The following DNAH10 variants were observed in gnomAD, a reference collection of about 807,000 sequenced individuals.
DNAH10 encodes dynein axonemal heavy chain 10.
DNAH10 carries 348 observed loss-of-function variants against 506.6 expected under a neutral mutation model. The observed-to-expected ratio is 0.69, with a 90% CI of 0.63 to 0.75. The LOEUF (loss-of-function observed/expected upper bound fraction) is 0.75, where lower values mean the gene tolerates loss of function less well. Ranked by LOEUF, DNAH10 falls within the 30% of genes least tolerant of loss-of-function variation. The probability of loss-of-function intolerance (pLI) is 0.00; values close to 1 mark genes in which losing one functional copy is unlikely to be tolerated. For synonymous variants in DNAH10, 2,059 were observed against 2,198.6 expected, an observed-to-expected ratio of 0.94 and a Z score of 1.78; for missense variants, 5,179 against 5,787.1, an observed-to-expected ratio of 0.89 and a Z score of 3.41.
chr12:123,904,991 A>T (rs1028620699), intron 57 of DNAH10, among the ~76,000 whole-genome samples: 10 of 152,198 alleles, frequency 6.6e-5, no homozygotes, highest in Admixed American at 5.2e-4. Flanking sequence ...TTCATGCATG[A>T]CCAAGGCAAC....
Position 123,907,989 on chromosome 12 carries a change from G to A in DNAH10, c.9816-1272G>A, listed in dbSNP as rs1158104990. Among the ~76,000 whole-genome samples, 1 of 152,126 alleles carries A rather than the reference G, an allele frequency of 6.6e-6. No homozygotes were observed. Among genetic ancestry groups the A allele is most frequent in the Non-Finnish European group, 1.5e-5 (1 of 68,024 alleles). ...TCTCCTCTGCTGTCTGTGTGGGAGTGTGTGAGGGTTCCGGGGTCAGGAGGG... is the reference window on the plus strand; with the variant it reads ...TCTCCTCTGCTGTCTGTGTGGGAGTATGTGAGGGTTCCGGGGTCAGGAGGG... On this transcript the variant is annotated intron_variant, in intron 57 of 78. Coordinates refer to ENST00000673944, the MANE Select transcript of DNAH10 (RefSeq NM_001372106.1). The surrounding 1 kb of genome is among the most constrained non-coding windows in gnomAD (Gnocchi z 4.4).
chr12:123,801,541 A>G, intron 16 of DNAH10, 109 bp downstream of exon 16: 1 of 1,355,640 alleles, frequency 7.4e-7, no homozygotes, highest in South Asian at 1.4e-5. Flanking sequence ...GACAATTAAC[A>G]ATTTTTGAGG....
chr12:123,870,935 ATAAAATATAGGCTGGCTATTCAGG>A (rs1176304143), intron 44 of DNAH10, among the ~76,000 whole-genome samples: 1 of 152,224 alleles, frequency 6.6e-6, no homozygotes, highest in Non-Finnish European at 1.5e-5. Context: ...GGCTGTTCAG[ATAAAATATAGGCTGGCTATTCAGG>A]TAAAATATGG....
Position 123,883,252 on chromosome 12 carries a change from A to G in DNAH10, c.8823+1439A>G, listed in dbSNP as rs567065613. ...CCTACAAGTGGAATTGCGGGATCCTATGATAACTCTATGTTTAATTGTTTG... is the reference window on the plus strand; with the variant it reads ...CCTACAAGTGGAATTGCGGGATCCTGTGATAACTCTATGTTTAATTGTTTG... On this transcript the variant is annotated intron_variant, in intron 51 of 78. Transcript: ENST00000673944. 4.6e-5 allele frequency among the ~76,000 whole-genome samples: 7 copies of G among 152,306 alleles called. No homozygotes were observed. The East Asian group carries it at 7.7e-4, about 17-fold the overall frequency.
intron 52 of DNAH10, among the ~76,000 whole-genome samples, chr12:123,890,738 A>C (rs1438605192): frequency 2.0e-5 from 3 of 152,166 alleles, no homozygotes; most frequent in African/African-American, 4.8e-5. Context: ...CTGGGGACAG[A>C]GAGAAGTGGG....
intron 16 of DNAH10, among the ~76,000 whole-genome samples, 183 bp downstream of exon 16, chr12:123,801,615 G>A (rs1391061500): frequency 6.6e-6 from 1 of 152,198 alleles, no homozygotes; most frequent in Non-Finnish European, 1.5e-5. Context: ...ATGAAGATAA[G>A]AGGGGTGATA....
rs766872085 is a variant in DNAH10, at chr12:123,935,380, G to A, written c.13669G>A (p.Ala4557Thr). 33 of 1,611,698 alleles carry A rather than the reference G, an allele frequency of 2.0e-5. No homozygotes were observed. The highest frequency in any genetic ancestry group is 2.3e-5 in the Non-Finnish European group (27 of 1,177,906). The change falls in exon 79 of 79, where the codon GCC becomes ACC. Residue 4557 changes from alanine to threonine, a missense_variant. Around this residue, in one of 3 missense-constraint regions of DNAH10, gnomAD observed 4,844 missense variants for 5,430.5 expected, o/e 0.89. Coordinates refer to ENST00000673944, the MANE Select transcript of DNAH10 (RefSeq NM_001372106.1). ...PVYTTSMRRN[A>T]MGVGLVFEAD... ...CTACACCACCTCCATGAGAAGGAAC[G>A]CCATGGGAGTCGGCTTGGTTTTTGA...
chr12:123,921,180 A>C (rs1954704868), intron 65 of DNAH10, among the ~76,000 whole-genome samples: 1 of 152,218 alleles, frequency 6.6e-6, no homozygotes, highest in Non-Finnish European at 1.5e-5. Context: ...AGGAACTCTC[A>C]AATGCCAATA....
intron 78 of DNAH10, 53 bp downstream of exon 78, chr12:123,934,819 G>C: frequency 6.2e-7 from 1 of 1,606,326 alleles, no homozygotes; most frequent in South Asian, 1.1e-5. Flanking sequence ...TCTTCTGACT[G>C]TAGTTATGGC....
chr12:123,765,143 G>T (rs958801090), intron 1 of DNAH10, among the ~76,000 whole-genome samples: 3 of 151,826 alleles, frequency 2.0e-5, no homozygotes, highest in South Asian at 2.1e-4. Flanking sequence ...AAAATGATAG[G>T]AATGGAGACA....
chr12:123,910,078 C>G (rs1055490081), intron 58 of DNAH10, among the ~76,000 whole-genome samples: 2 of 152,140 alleles, frequency 1.3e-5, no homozygotes, highest in Non-Finnish European at 2.9e-5. Flanking sequence ...TTTTCTTAGC[C>G]CCTTAAAAAC....
rs1309433584 is a variant in DNAH10 at position 123,934,607 on chromosome 12, C to T, written c.13478-14C>T. 2 of 1,612,670 alleles carry T rather than the reference C, an allele frequency of 1.2e-6. No homozygotes were observed. Among genetic ancestry groups the T allele is most frequent in the African/African-American group, 2.7e-5 (2 of 74,928 alleles). ...ATGCTCCAGTTGTATCCAGTCTCTGCCTTGTGTCCCTAGGATGCTTTGTCT... is the reference window on the plus strand; with the variant it reads ...ATGCTCCAGTTGTATCCAGTCTCTGTCTTGTGTCCCTAGGATGCTTTGTCT... On this transcript the variant is annotated splice_polypyrimidine_tract_variant and intron_variant, in intron 77 of 78. Coordinates refer to ENST00000673944, the MANE Select transcript of DNAH10 (RefSeq NM_001372106.1).
In DNAH10 at chr12:123,845,724, T is replaced by C; in HGVS notation, c.5485T>C (p.Tyr1829His). 1.9e-6 allele frequency: 3 copies of C among 1,613,742 alleles called. No homozygotes were observed. Among genetic ancestry groups the C allele is most frequent in the Non-Finnish European group, 2.5e-6 (3 of 1,179,864 alleles). ...QKGEKQAMKN[Y>H]GRKMHRQIDE... is the part of the protein sequence containing the mutation. ...AGGGGAGAAGCAGGCCATGAAGAAC[T>C]ATGGCAGGAAAATGCACCGGCAGAT... The change falls in exon 31 of 79, where the codon TAT (tyrosine) becomes CAT (histidine). Residue 1829 changes from tyrosine (Y) to histidine (H), a missense_variant. Physicochemically the swap from Tyr to His is moderately conservative, Grantham distance 83. Around this residue, in one of 3 missense-constraint regions of DNAH10, gnomAD observed 4,844 missense variants for 5,430.5 expected, o/e 0.89. Coordinates refer to ENST00000673944, the MANE Select transcript of DNAH10 (RefSeq NM_001372106.1).
chr12:123,783,201 T>G lies in DNAH10; in HGVS notation c.936T>G (p.Cys312Trp). The part of the protein sequence containing the change: ...DPETVDILEQ[C>W]VINWLNQIST... ...AAACCGTTGACATCTTGGAGCAGTG[T>G]GTGATAAACTGGCTGAATCAGATAT... The change falls in exon 7 of 79, where the codon TGT (cysteine) becomes TGG (tryptophan). Residue 312 changes from cysteine (C) to tryptophan (W), a missense_variant. This residue lies in a region of DNAH10 where 4,844 missense variants were observed against 5,430.5 expected (regional missense o/e 0.89). Transcript: ENST00000673944. 1 of 1,614,204 alleles carries G rather than the reference T, an allele frequency of 6.2e-7. No individual in the cohort carries two copies. Among genetic ancestry groups the G allele is most frequent in the Non-Finnish European group, 8.5e-7 (1 of 1,180,032 alleles).
rs529268286 is a variant in DNAH10, at chr12:123,934,720, C to T, written c.13577C>T (p.Pro4526Leu). 2.5e-6 allele frequency: 4 copies of T among 1,613,922 alleles called. No homozygotes were observed. Among genetic ancestry groups the T allele is most frequent in the South Asian group, 2.2e-5 (2 of 91,052 alleles). ...SKPKVLVVDLPILKIIPIEAH... is the reference protein window; with the variant it reads ...SKPKVLVVDLLILKIIPIEAH... ...CCCAAGGTGCTGGTTGTGGACCTGC[C>T]GATCCTGAAGATCATCCCCATTGAA... Residue 4526 changes from proline (P) to leucine (L), a missense_variant, in exon 78 of 79, where the codon CCG becomes CTG. Pro to Leu is a moderately conservative substitution (Grantham distance 98, BLOSUM62 -3). Coordinates refer to ENST00000673944, the MANE Select transcript of DNAH10 (RefSeq NM_001372106.1).
chr12:123,792,080 T>C (rs1958099691), intron 11 of DNAH10, among the ~76,000 whole-genome samples: 1 of 152,222 alleles, frequency 6.6e-6, no homozygotes, highest in South Asian at 2.1e-4. Flanking sequence ...CCATTCCTAA[T>C]CCCATTTGCC....
At chr12:123,838,144 T>A (rs1463242762) in intron 28 of DNAH10, among the ~76,000 whole-genome samples, 4 of 152,174 alleles carry the variant, frequency 2.6e-5, no homozygotes, top group Non-Finnish European at 5.9e-5. Flanking sequence ...TGTAAGCACT[T>A]CTGTAGGGTG....
chr12:123,802,597 C>T (rs991881899), intron 16 of DNAH10, among the ~76,000 whole-genome samples: 3 of 152,088 alleles, frequency 2.0e-5, no homozygotes, highest in Non-Finnish European at 4.4e-5. Flanking sequence ...TGAGCCACCA[C>T]GTGTGGCCTT....
intron 27 of DNAH10, among the ~76,000 whole-genome samples, chr12:123,834,322 C>T (rs1594143363): frequency 6.6e-6 from 1 of 152,168 alleles, no homozygotes; most frequent in Non-Finnish European, 1.5e-5. Context: ...ATTCTCCTGC[C>T]TCAGCCTCCC....
Sources: allele counts gnomAD v4.1 joint callset (sites outside exome capture counted in the v4.1 genomes callset), GRCh38; gene constraint gnomAD v4.1.1; regional missense constraint gnomAD v4.1.1; non-coding constraint Gnocchi (gnomAD v3.1); transcripts MANE v1.5; gene names NCBI Gene and HGNC (gene_info 2026-07-23, HGNC 2026-07-21).